Variants in BTLA observed in about 807,000 individuals in gnomAD.
The protein encoded by BTLA is B and T lymphocyte associated.
A neutral mutation model predicts 25.0 loss-of-function variants in BTLA; 11 were observed. The observed-to-expected ratio is 0.44, with a 90% CI of 0.28 to 0.73. The LOEUF is 0.73. Ranked by LOEUF, BTLA falls within the 30% of genes least tolerant of loss-of-function variation. The pLI is 0.15. For synonymous variants in BTLA, 104 were observed against 119.8 expected, an observed-to-expected ratio of 0.87 and a Z score of 0.86; for missense variants, 282 against 332.8, an observed-to-expected ratio of 0.85 and a Z score of 1.19.
intron 2 of BTLA, among the ~76,000 whole-genome samples, 200 bp downstream of exon 2, chr3:112,479,255 C>T (rs1486757330): frequency 6.6e-6 from 1 of 152,164 alleles, no homozygotes; most frequent in African/African-American, 2.4e-5. Flanking sequence ...TTTCTCTACT[C>T]TCCTCTATCT....
At chr3:112,470,123 G>C (rs371323764) in intron 3 of BTLA, 8 of 205,372 alleles carry the variant, frequency 3.9e-5, no homozygotes, top group African/African-American at 1.8e-4. Context: ...CTGCTGTCCT[G>C]TCACCTATGT....
chr3:112,499,316 A>C lies in BTLA; in HGVS notation c.43T>G (p.Trp15Gly), dbSNP rs745484823. The C allele has an allele frequency of 2.4e-5, 38 of 1,613,834 alleles. No homozygotes were observed. Among genetic ancestry groups the C allele is most frequent in the Non-Finnish European group, 3.1e-5 (37 of 1,179,780 alleles). Residue 15 changes from tryptophan (W) to glycine (G), a missense_variant, in exon 1 of 5, where the codon TGG (tryptophan) becomes GGG (glycine). Physicochemically the swap from Trp to Gly is radical, Grantham distance 184. Around this residue, in one of 2 missense-constraint regions of BTLA, gnomAD observed 163 missense variants for 230.4 expected, o/e 0.71. Coordinates refer to ENST00000334529, the MANE Select transcript of BTLA (RefSeq NM_181780.4). ...AGATATGGGATTAAGAAGAAGACCC[A>C]AAATAATTTCCCAGTTCCAAGCATG... ...PAMLGTGKLF[W>G]VFFLIPYLDI...
intron 1 of BTLA, among the ~76,000 whole-genome samples, chr3:112,487,273 C>T (rs1024884469): frequency 6.6e-6 from 1 of 152,098 alleles, no homozygotes; most frequent in Admixed American, 6.5e-5. Context: ...TTCATGTTTG[C>T]TAGTATGTGG....
intron 2 of BTLA, among the ~76,000 whole-genome samples, chr3:112,478,605 A>G (rs1179874516): frequency 6.6e-6 from 1 of 152,048 alleles, no homozygotes; most frequent in Non-Finnish European, 1.5e-5. Context: ...TAAGTTAGAT[A>G]TCTTTTATTT....
At chr3:112,484,198 C>T (rs1445126373) in intron 1 of BTLA, among the ~76,000 whole-genome samples, 1 of 152,096 alleles carries the variant, frequency 6.6e-6, no homozygotes, top group Admixed American at 6.5e-5. Context: ...CATTGATACA[C>T]AACTGGATCA....
At chr3:112,493,891 T>C (rs1439988451) in intron 1 of BTLA, among the ~76,000 whole-genome samples, 1 of 152,126 alleles carries the variant, frequency 6.6e-6, no homozygotes, top group African/African-American at 2.4e-5. Flanking sequence ...GACAGGTGGA[T>C]CATGAGGTCA....
rs546779181 is a variant in BTLA, at chr3:112,488,228, C to CTTTT, written c.89-8463_89-8460dup. Among the ~76,000 whole-genome samples, 71 of 124,824 alleles carry CTTTT rather than the reference C, an allele frequency of 5.7e-4. 1 individual carries two copies. Among genetic ancestry groups the CTTTT allele is most frequent in the South Asian group, 9.8e-4 (4 of 4,072 alleles). The allele number at this position is 124,824 out of a possible 152,430, so 81.9% of individuals were successfully genotyped here. On this transcript the variant is annotated intron_variant, in intron 1 of 4. Transcript: ENST00000334529. ...TGTCACAGTTTCCGTTTTCTTTTTT[C>CTTTT]TTTTTTTTTTTTTTTTTGAGACAGA...
chr3:112,479,118 TCA>T (rs147761425), intron 2 of BTLA, among the ~76,000 whole-genome samples: 1,982 of 152,122 alleles, frequency 0.013, 25 homozygotes, highest in South Asian at 0.033. Context: ...GGACAAGCAA[TCA>T]CAGAGCTATT....
Position 112,494,332 on chromosome 3 carries a change from T to C in BTLA, c.88+4939A>G, listed in dbSNP as rs2082397323. 2.0e-5 allele frequency among the ~76,000 whole-genome samples: 3 copies of C among 152,104 alleles called. No homozygotes were observed. The South Asian group carries it at 6.2e-4, about 32-fold the overall frequency. ...TGGGAGTGTAAATTAGTTCAACCAT[T>C]GTGGAAGACAGTATGGCAATTCCTC... On this transcript the variant is annotated intron_variant, in intron 1 of 4. Coordinates refer to ENST00000334529, the MANE Select transcript of BTLA (RefSeq NM_181780.4).
intron 1 of BTLA, among the ~76,000 whole-genome samples, chr3:112,490,449 T>C (rs969276897): frequency 3.3e-5 from 5 of 152,208 alleles, no homozygotes; most frequent in African/African-American, 9.6e-5. Flanking sequence ...TTTATTTACA[T>C]ATGTCTTTCC....
chr3:112,483,412 T>C (rs1209565194), intron 1 of BTLA, among the ~76,000 whole-genome samples: 2 of 151,736 alleles, frequency 1.3e-5, no homozygotes, highest in Non-Finnish European at 2.9e-5. Flanking sequence ...CCTCCCAAAG[T>C]GCTGGGATTA....
chr3:112,471,646 C>T (rs1400719626), intron 2 of BTLA, among the ~76,000 whole-genome samples: 2 of 152,176 alleles, frequency 1.3e-5, no homozygotes, highest in African/African-American at 4.8e-5. Flanking sequence ...CTTCATTAAG[C>T]CTTTCTATTT....
At chr3:112,494,928 A>C (rs1023809678) in intron 1 of BTLA, among the ~76,000 whole-genome samples, 7 of 152,258 alleles carry the variant, frequency 4.6e-5, no homozygotes, top group Non-Finnish European at 2.9e-5. Flanking sequence ...AGAGTAATTT[A>C]TAGAAGACTT....
chr3:112,482,557 C>A (rs963457825), intron 1 of BTLA, among the ~76,000 whole-genome samples: 2 of 152,158 alleles, frequency 1.3e-5, no homozygotes, highest in Non-Finnish European at 2.9e-5. Context: ...ACTTAAAAAC[C>A]CTTCCTGCTC....
rs112975112 is a variant in BTLA, at chr3:112,498,888, C to A, written c.88+383G>T. On this transcript the variant is annotated intron_variant, in intron 1 of 4. Transcript: ENST00000334529. ...TGTCCTACCCAACTGAGCACTGCAG[C>A]ACTCTACTGCACTCAGTTTGGAAAG... 8.7e-3 allele frequency among the ~76,000 whole-genome samples: 1,328 copies of A among 152,276 alleles called. 15 individuals carry two copies. Among genetic ancestry groups the A allele is most frequent in the African/African-American group, 0.03 (1,255 of 41,546 alleles).
Position 112,467,261 on chromosome 3 carries a change from G to T in BTLA, c.595-878C>A, listed in dbSNP as rs77530212. Reference sequence around the variant, plus strand: ...AGACGTGAGCCACCACTCCCGGCAAGAAAATTCTTACCGTTTCAAATATAG... The same window carrying T: ...AGACGTGAGCCACCACTCCCGGCAATAAAATTCTTACCGTTTCAAATATAG... On this transcript the variant is annotated intron_variant, in intron 4 of 4. Coordinates refer to ENST00000334529, the MANE Select transcript of BTLA (RefSeq NM_181780.4). Among the ~76,000 whole-genome samples the T allele has an allele frequency of 8.8e-3, 1,344 of 152,190 alleles. 52 individuals carry two copies. The highest frequency in any genetic ancestry group is 0.075 in the East Asian group (387 of 5,172).
At chr3:112,498,220 ATTGGGG>A (rs2082420600) in intron 1 of BTLA, among the ~76,000 whole-genome samples, 1 of 152,054 alleles carries the variant, frequency 6.6e-6, no homozygotes, top group Non-Finnish European at 1.5e-5. Context: ...ATGTTGGATA[ATTGGGG>A]TTATCCAACA....
intron 1 of BTLA, among the ~76,000 whole-genome samples, chr3:112,491,555 T>G (rs914761164): frequency 2.0e-5 from 3 of 152,224 alleles, no homozygotes; most frequent in Non-Finnish European, 2.9e-5. Flanking sequence ...GAGTCAAGGC[T>G]AGGACTTTAA....
intron 1 of BTLA, among the ~76,000 whole-genome samples, chr3:112,484,716 T>G (rs2082337132): frequency 6.6e-6 from 1 of 152,144 alleles, no homozygotes; most frequent in Non-Finnish European, 1.5e-5. Flanking sequence ...GTGCGCAAAG[T>G]GGGTTAGGGG....
Sources: gnomAD v4.1 joint callset for allele counts (sites outside exome capture counted in the v4.1 genomes callset) on GRCh38, gnomAD v4.1.1 for gene constraint, gnomAD v4.1.1 regional missense constraint, MANE v1.5 for transcripts, NCBI Gene and HGNC (gene_info 2026-07-23, HGNC 2026-07-21) for gene names.